Variants in DMXL1 observed in about 807,000 individuals in gnomAD.
DMXL1 encodes Dmx like 1.
DMXL1 carries 99 observed loss-of-function variants against 319.2 expected under a neutral mutation model. The observed-to-expected ratio is 0.31, with a 90% CI of 0.26 to 0.37. The LOEUF is 0.37. DMXL1 is among the 10% of genes least tolerant of loss of function. The pLI, the probability that DMXL1 is intolerant of heterozygous loss-of-function variation, is 1.00. For missense variants in DMXL1, 3,745 were observed against 3,595.6 expected, an observed-to-expected ratio of 1.04 and a Z score of -1.06; for synonymous variants, 1,385 against 1,235.2, an observed-to-expected ratio of 1.12 and a Z score of -2.54.
chr5:119,092,003 A>G lies in DMXL1; in HGVS notation c.88-5976A>G, dbSNP rs531382953. ...GACAGATATTCTGCTAGAGAACCCA[A>G]TATGGTGGGGAAGCTGGCTGTTCAC... is the stretch of plus-strand genomic sequence containing the variant. On this transcript the variant is annotated intron_variant, in intron 1 of 43. Coordinates refer to ENST00000539542, the MANE Select transcript of DMXL1 (RefSeq NM_001290321.3). 2.0e-3 allele frequency among the ~76,000 whole-genome samples: 302 copies of G among 152,286 alleles called. 3 individuals are homozygous for G. Among genetic ancestry groups the G allele is most frequent in the African/African-American group, 6.9e-3 (286 of 41,556 alleles).
chr5:119,110,102 G>C lies in DMXL1; in HGVS notation c.365-49G>C, dbSNP rs199987228. The C allele has an allele frequency of 1.2e-4, 177 of 1,468,514 alleles. No homozygotes were observed. In the Middle Eastern group the frequency reaches 1.3e-3, roughly 11 times the overall value. 91.0% of individuals were successfully genotyped at this position (1,468,514 alleles called of 1,614,324 possible). On this transcript the variant is annotated intron_variant, in intron 4 of 43. Coordinates refer to ENST00000539542, the MANE Select transcript of DMXL1 (RefSeq NM_001290321.3). The stretch of plus-strand genomic sequence containing the variant: ...TGAAATTCTTGAGCATGTAAATTAA[G>C]TCACTATTAAATACCTAAATAATAA...
At chr5:119,087,344 G>T (rs917441002) in intron 1 of DMXL1, among the ~76,000 whole-genome samples, 1 of 151,318 alleles carries the variant, frequency 6.6e-6, no homozygotes, top group Non-Finnish European at 1.5e-5. Context: ...TACTGCTTTT[G>T]CTGTATCCTA....
chr5:119,103,867 A>G (rs911492133), intron 3 of DMXL1, among the ~76,000 whole-genome samples: 3 of 152,214 alleles, frequency 2.0e-5, no homozygotes, highest in Middle Eastern at 3.2e-3. Flanking sequence ...GAGAATTTCA[A>G]TGTTTGCCCA....
intron 28 of DMXL1, among the ~76,000 whole-genome samples, chr5:119,179,342 GAGA>G (rs548427087): frequency 2.0e-3 from 297 of 147,834 alleles, no homozygotes; most frequent in African/African-American, 7.0e-3. Flanking sequence ...ATACATTTGA[GAGA>G]AGCTCAGCAA....
intron 1 of DMXL1, among the ~76,000 whole-genome samples, chr5:119,072,353 AC>A (rs1464939183): frequency 6.6e-6 from 1 of 152,040 alleles, no homozygotes; most frequent in Non-Finnish European, 1.5e-5. Context: ...TTCTACCTTA[AC>A]TATAGGTTTT....
chr5:119,147,822 G>C (rs1185837308), intron 17 of DMXL1, among the ~76,000 whole-genome samples: 5 of 152,144 alleles, frequency 3.3e-5, no homozygotes, highest in Non-Finnish European at 7.4e-5. Context: ...TGATTGTGTG[G>C]TTTCTGCTAT....
intron 19 of DMXL1, among the ~76,000 whole-genome samples, chr5:119,157,816 C>G (rs1771436658): frequency 6.6e-6 from 1 of 151,980 alleles, no homozygotes; most frequent in South Asian, 2.1e-4. Context: ...TCTTGGTATT[C>G]CTAATGAATT....
At chr5:119,230,808 G>A (rs1786556495) in intron 38 of DMXL1, among the ~76,000 whole-genome samples, 1 of 151,568 alleles carries the variant, frequency 6.6e-6, no homozygotes, top group South Asian at 2.1e-4. Flanking sequence ...CTTGAACCCA[G>A]GAGGTGGAGG....
intron 28 of DMXL1, among the ~76,000 whole-genome samples, chr5:119,185,700 GC>G (rs1218540365): frequency 6.6e-6 from 1 of 151,634 alleles, no homozygotes; most frequent in Non-Finnish European, 1.5e-5. Flanking sequence ...ATGAGGTTTT[GC>G]CATTTTGGCC....
rs1561874318 is a variant in DMXL1, at chr5:119,206,845, C to T, written c.7875C>T (p.Asp2625=). The part of the protein sequence containing the change: ...KKRCLNESLE[D]NSETIKNSMM... The stretch of plus-strand genomic sequence containing the variant: ...CTTTCTTGATGAAGTCATTAGAGGA[C>T]AACAGTGAAACCATCAAAAATTCTA... The change falls in exon 34 of 44, where the codon GAC becomes GAT. Residue 2625 remains aspartate (D), a synonymous_variant. Transcript: ENST00000539542. 1 of 1,525,342 alleles carries T rather than the reference C, an allele frequency of 6.6e-7. No homozygotes were observed. Among genetic ancestry groups the T allele is most frequent in the Non-Finnish European group, 8.8e-7 (1 of 1,139,816 alleles). The allele number at this position is 1,525,342 out of a possible 1,614,324, so 94.5% of individuals were successfully genotyped here.
At chr5:119,125,461 A>T (rs1421412376) in intron 9 of DMXL1, among the ~76,000 whole-genome samples, 1 of 152,208 alleles carries the variant, frequency 6.6e-6, no homozygotes, top group Non-Finnish European at 1.5e-5. Flanking sequence ...TATATGGAAA[A>T]TATCTAAATT....
intron 10 of DMXL1, among the ~76,000 whole-genome samples, chr5:119,130,328 C>T (rs1764572001): frequency 6.6e-6 from 1 of 150,854 alleles, no homozygotes. Context: ...ATGTTCTGCA[C>T]TTTGTGTTTT....
At chr5:119,126,151 T>C (rs528281075) in intron 9 of DMXL1, among the ~76,000 whole-genome samples, 3 of 152,188 alleles carry the variant, frequency 2.0e-5, no homozygotes, top group African/African-American at 4.8e-5. Context: ...GGCGTGGTGG[T>C]GTCTGCCTTT....
chr5:119,167,407 T>C (rs1403820500), intron 22 of DMXL1, among the ~76,000 whole-genome samples, 196 bp from the exon 23 acceptor site: 1 of 152,102 alleles, frequency 6.6e-6, no homozygotes, highest in Non-Finnish European at 1.5e-5. Context: ...GAAGGTAGGT[T>C]TGCAGTTATT....
At chr5:119,089,273 TATAC>T (rs1390250039) in intron 1 of DMXL1, among the ~76,000 whole-genome samples, 64 of 67,134 alleles carry the variant, frequency 9.5e-4, no homozygotes, top group African/African-American at 3.4e-3. Context: ...CATATATATA[TATAC>T]ATATATATAT....
intron 1 of DMXL1, 27 bp from the exon 2 acceptor site, chr5:119,097,952 A>T: frequency 6.4e-7 from 1 of 1,559,836 alleles, no homozygotes. Context: ...TGACACTTTT[A>T]TCATTTTTAT....
intron 30 of DMXL1, among the ~76,000 whole-genome samples, chr5:119,195,440 G>T (rs989396240): frequency 3.9e-5 from 6 of 152,188 alleles, no homozygotes; most frequent in Non-Finnish European, 7.3e-5. Context: ...GACACATGCT[G>T]CAACATGGAT....
intron 3 of DMXL1, among the ~76,000 whole-genome samples, chr5:119,103,638 A>C (rs941520000): frequency 5.9e-5 from 9 of 152,100 alleles, no homozygotes; most frequent in African/African-American, 2.2e-4. Context: ...TCTGATTTCT[A>C]TTTGTTTTTA....
At chr5:119,121,291 ATTT>A (rs1428700937) in intron 9 of DMXL1, 152 bp downstream of exon 9, 2 of 564,442 alleles carry the variant, frequency 3.5e-6, no homozygotes, top group Non-Finnish European at 5.4e-6. Flanking sequence ...TTAATTTATT[ATTT>A]ATTTTTATTG....
Sources: allele counts gnomAD v4.1 joint callset (sites outside exome capture counted in the v4.1 genomes callset), GRCh38; gene constraint gnomAD v4.1.1; transcripts MANE v1.5; gene names NCBI Gene and HGNC (gene_info 2026-07-23, HGNC 2026-07-21).